Variants in MTMR2 observed in about 807,000 individuals in gnomAD.
MTMR2 encodes the protein phosphatidylinositol-3,5-bisphosphate 3-phosphatase MTMR2.
In MTMR2, 55 loss-of-function variants were observed where a neutral mutation model predicts 86.9. The ratio of observed to expected loss-of-function variants is 0.63; its 90% CI spans 0.51 to 0.79. The LOEUF (loss-of-function observed/expected upper bound fraction) is 0.79, where lower values mean the gene tolerates loss of function less well. Among genes scored for constraint, MTMR2 ranks in the 30% least tolerant of loss-of-function variants. The probability of loss-of-function intolerance (pLI) is 0.00; values close to 1 mark genes in which losing one functional copy is unlikely to be tolerated. For synonymous variants in MTMR2, 241 were observed against 266.8 expected (o/e 0.90, Z 0.94); for missense variants, 659 against 772.3 (o/e 0.85, Z 1.74).
At chr11:95,858,412 AT>A (rs1221058573) in intron 6 of MTMR2, 118 bp downstream of exon 6, 2 of 758,400 alleles carry the variant, frequency 2.6e-6, no homozygotes, top group Non-Finnish European at 4.8e-6. Context: ...TACACTATAC[AT>A]CTGGTTAAAT....
chr11:95,919,108 G>T lies in MTMR2; in HGVS notation c.80+4767C>A, dbSNP rs541645176. 5.5e-4 allele frequency among the ~76,000 whole-genome samples: 83 copies of T among 152,266 alleles called. 1 individual carries two copies. The highest frequency in any genetic ancestry group is 1.7e-3 in the African/African-American group (69 of 41,548). ...ACTGTTCAGCCTCCTAAACTGCTAG[G>T]ATTACAGGCGTTAGCTACTGCACCT... On this transcript the variant is annotated intron_variant, in intron 1 of 14. Transcript: ENST00000346299.
chr11:95,862,162 C>G lies in MTMR2; in HGVS notation c.358-60G>C, dbSNP rs116463605. The G allele has an allele frequency of 1.8e-3, 2,717 of 1,543,514 alleles. 46 individuals carry two copies. The African/African-American group carries it at 0.031, about 18-fold the overall frequency. On this transcript the variant is annotated intron_variant, in intron 4 of 14. Coordinates refer to ENST00000346299, the MANE Select transcript of MTMR2 (RefSeq NM_016156.6). Reference sequence around the variant, plus strand: ...CAATTAATACTGTCCAATTATAGAGCTGATCAAAATCTTAATCAGAAATGC... The same window carrying G: ...CAATTAATACTGTCCAATTATAGAGGTGATCAAAATCTTAATCAGAAATGC...
chr11:95,837,441 G>A (rs992801915), intron 13 of MTMR2, among the ~76,000 whole-genome samples: 2 of 151,918 alleles, frequency 1.3e-5, no homozygotes, highest in Non-Finnish European at 2.9e-5. Flanking sequence ...TTGATGCAGA[G>A]GGAGATACCA....
rs772992189 is a variant in MTMR2 at position 95,835,250 on chromosome 11, C to T, written c.*40G>A. 2.5e-5 allele frequency: 40 copies of T among 1,605,028 alleles called. No individual in the cohort carries two copies. Among genetic ancestry groups the T allele is most frequent in the Non-Finnish European group, 3.2e-5 (38 of 1,172,742 alleles). ...CTACTCATAGAGCTGCCAGTGTAAT[C>T]AAGAGTGTATAGCAATGATGCCCCT... On this transcript the variant is annotated 3_prime_UTR_variant, in exon 15 of 15. Transcript: ENST00000346299.
At position 95,923,891 on chromosome 11, in the gene MTMR2, C is replaced by T. The variant is rs765423295; in HGVS notation, c.64G>A (p.Val22Met). The T allele has an allele frequency of 7.1e-6, 11 of 1,556,028 alleles. No individual in the cohort carries two copies. The highest frequency in any genetic ancestry group is 1.4e-5 in the African/African-American group (1 of 73,390). ...SQPAAARPPS[V>M]DSLSSASTSH... The stretch of plus-strand genomic sequence containing the variant: ...CCTGGTTACCTGGACAAGGAGTCCA[C>T]GCTGGGCGGCCGAGCCGCCGCCGGC... The change falls in exon 1 of 15, where the codon GTG (valine) becomes ATG (methionine). Residue 22 changes from valine to methionine, a missense_variant. Physicochemically the swap from Val to Met is conservative, Grantham distance 21. Around this residue, in one of 3 missense-constraint regions of MTMR2, gnomAD observed 79 missense variants for 54.4 expected, o/e 1.45. Coordinates refer to ENST00000346299, the MANE Select transcript of MTMR2 (RefSeq NM_016156.6).
intron 1 of MTMR2, among the ~76,000 whole-genome samples, chr11:95,892,065 C>T (rs1373543315): frequency 6.6e-6 from 1 of 152,222 alleles, no homozygotes; most frequent in East Asian, 1.9e-4. Context: ...GTCATACTGG[C>T]TCTGTGCATG....
intron 2 of MTMR2, among the ~76,000 whole-genome samples, chr11:95,885,566 T>C (rs950713645): frequency 2.0e-5 from 3 of 152,152 alleles, no homozygotes; most frequent in African/African-American, 7.2e-5. Context: ...AAAGTCGTTC[T>C]GGATTGTAAC....
chr11:95,838,000 A>G, intron 13 of MTMR2, 94 bp downstream of exon 13: 1 of 814,842 alleles, frequency 1.2e-6, no homozygotes. Context: ...GACCCAAAAG[A>G]ATGACTTCAG....
intron 1 of MTMR2, among the ~76,000 whole-genome samples, chr11:95,893,307 A>G (rs1865773723): frequency 6.6e-6 from 1 of 152,126 alleles, no homozygotes; most frequent in Non-Finnish European, 1.5e-5. Flanking sequence ...ACTTCTGGGA[A>G]TTACCCTGCC....
intron 11 of MTMR2, 30 bp from the exon 12 acceptor site, chr11:95,841,739 T>G: frequency 6.8e-7 from 1 of 1,460,982 alleles, no homozygotes; most frequent in Non-Finnish European, 9.6e-7. Context: ...ATATATGAAC[T>G]TAGGGGGATT....
At chr11:95,843,845 C>A (rs1278515831) in intron 11 of MTMR2, among the ~76,000 whole-genome samples, 1 of 151,762 alleles carries the variant, frequency 6.6e-6, no homozygotes, top group Non-Finnish European at 1.5e-5. Context: ...TTCAATATGG[C>A]AAATATTGAT....
chr11:95,908,294 A>T (rs938854814), intron 1 of MTMR2, among the ~76,000 whole-genome samples: 13 of 152,174 alleles, frequency 8.5e-5, no homozygotes, highest in Non-Finnish European at 1.9e-4. Flanking sequence ...AAAGTGAAAG[A>T]TCTCTACAAT....
chr11:95,920,357 G>C (rs1328874463), intron 1 of MTMR2, among the ~76,000 whole-genome samples: 2 of 152,144 alleles, frequency 1.3e-5, no homozygotes, highest in Non-Finnish European at 2.9e-5. Flanking sequence ...GCCCACTCTG[G>C]AGTGCAGTGG....
intron 11 of MTMR2, 89 bp from the exon 12 acceptor site, chr11:95,841,798 G>T: frequency 1.8e-6 from 2 of 1,110,118 alleles, no homozygotes; most frequent in East Asian, 2.4e-5. Context: ...TTGGTCAATA[G>T]TCTAAAAATT....
intron 2 of MTMR2, among the ~76,000 whole-genome samples, chr11:95,877,468 T>A (rs1042824781): frequency 8.7e-5 from 13 of 149,334 alleles, no homozygotes; most frequent in Admixed American, 7.5e-4. Flanking sequence ...ACAAAAAGGA[T>A]GACTATCTAA....
chr11:95,923,763 C>A, intron 1 of MTMR2, 112 bp downstream of exon 1: 2 of 1,488,394 alleles, frequency 1.3e-6, no homozygotes, highest in Non-Finnish European at 1.8e-6. Flanking sequence ...GAAGGAATTC[C>A]GGCGTAGCCT....
chr11:95,857,761 C>T (rs1215920842), intron 6 of MTMR2, 126 bp from the exon 7 acceptor site: 2 of 670,594 alleles, frequency 3.0e-6, no homozygotes, highest in African/African-American at 3.7e-5. Context: ...TATTAGCATC[C>T]TTTTTTGTAT....
chr11:95,885,233 C>T (rs1865474677), intron 2 of MTMR2, among the ~76,000 whole-genome samples: 4 of 152,088 alleles, frequency 2.6e-5, no homozygotes, highest in Admixed American at 2.0e-4. Context: ...AATCACCCTA[C>T]CCATCGTATT....
intron 2 of MTMR2, among the ~76,000 whole-genome samples, chr11:95,867,393 G>T (rs532112804): frequency 6.6e-6 from 1 of 152,256 alleles, no homozygotes; most frequent in African/African-American, 2.4e-5. Flanking sequence ...AGAGAAGAGG[G>T]TAGTTCTGGC....
Sources: gnomAD v4.1 joint callset for allele counts (sites outside exome capture counted in the v4.1 genomes callset) on GRCh38, gnomAD v4.1.1 for gene constraint, gnomAD v4.1.1 regional missense constraint, MANE v1.5 for transcripts, NCBI Gene and HGNC (gene_info 2026-07-23, HGNC 2026-07-21) for gene names.